PTPRE: variants seen among roughly 807,000 people sequenced by gnomAD.
PTPRE encodes the protein receptor-type tyrosine-protein phosphatase epsilon.
PTPRE carries 51 observed loss-of-function variants against 102.0 expected under a neutral mutation model. The observed-to-expected ratio is 0.50, with a 90% CI of 0.40 to 0.63. The LOEUF is 0.63. Ranked by LOEUF, PTPRE falls within the 30% of genes least tolerant of loss-of-function variation. PTPRE has a pLI of 0.00. For missense variants in PTPRE, 752 were observed against 915.1 expected, an observed-to-expected ratio of 0.82 and a Z score of 2.30; for synonymous variants, 345 against 348.2, an observed-to-expected ratio of 0.99 and a Z score of 0.10.
intron 1 of PTPRE, among the ~76,000 whole-genome samples, chr10:127,941,538 G>A (rs1023033182): frequency 3.3e-5 from 5 of 152,218 alleles, no homozygotes; most frequent in African/African-American, 9.7e-5. Context: ...AAGAGAAGCT[G>A]AGCACCTAGA....
At chr10:128,052,304 A>G (rs1481387062) in intron 6 of PTPRE, among the ~76,000 whole-genome samples, 1 of 152,214 alleles carries the variant, frequency 6.6e-6, no homozygotes, top group Non-Finnish European at 1.5e-5. Flanking sequence ...TGGCCGATCC[A>G]GTTGAGTTTT....
intron 1 of PTPRE, among the ~76,000 whole-genome samples, chr10:127,922,050 C>T (rs1255748492): frequency 6.6e-6 from 1 of 152,216 alleles, no homozygotes; most frequent in African/African-American, 2.4e-5. Flanking sequence ...TTAGTGAATT[C>T]ATGAAGTCCA....
intron 1 of PTPRE, among the ~76,000 whole-genome samples, chr10:127,978,827 C>T (rs1851391879): frequency 6.6e-6 from 1 of 152,048 alleles, no homozygotes; most frequent in Non-Finnish European, 1.5e-5. Flanking sequence ...TGAAGACCAG[C>T]CTGGCCAACA....
At chr10:127,971,967 T>A (rs1325279496) in intron 1 of PTPRE, among the ~76,000 whole-genome samples, 1 of 152,220 alleles carries the variant, frequency 6.6e-6, no homozygotes, top group African/African-American at 2.4e-5. Context: ...CCCAGCCTAG[T>A]TTATAGAAGC....
intron 20 of PTPRE, among the ~76,000 whole-genome samples, chr10:128,082,330 G>A (rs1378525647): frequency 1.4e-5 from 2 of 147,760 alleles, no homozygotes; most frequent in Non-Finnish European, 3.0e-5. Flanking sequence ...TCCTGTCTCC[G>A]CTTCCCAAGT....
chr10:127,966,602 A>G (rs1850271430), intron 1 of PTPRE, among the ~76,000 whole-genome samples: 1 of 152,156 alleles, frequency 6.6e-6, no homozygotes, highest in Non-Finnish European at 1.5e-5. Flanking sequence ...GTTTTAAAAC[A>G]GGGATGGTCC....
Position 128,070,906 on chromosome 10 carries a change from G to T in PTPRE, c.1387+5G>T, listed in dbSNP as rs1374663935. ...GGGTCATCCAGATCATCCCGTGTAA[G>T]GCACCCGTGGCGTGGCTTGGGCAGG... On this transcript the variant is annotated splice_donor_5th_base_variant and intron_variant, in intron 15 of 20. Transcript: ENST00000254667. This position sits in a 1 kb window ranked among gnomAD's most constrained non-coding sequence, Gnocchi z 4.8. The T allele has an allele frequency of 6.2e-7, 1 of 1,612,576 alleles. No homozygotes were observed. The highest frequency in any genetic ancestry group is 8.5e-7 in the Non-Finnish European group (1 of 1,178,586).
chr10:128,061,617 C>T, intron 8 of PTPRE, 62 bp from the exon 9 acceptor site: 1 of 1,542,840 alleles, frequency 6.5e-7, no homozygotes, highest in Non-Finnish European at 8.7e-7. Context: ...ACAGCAACAC[C>T]AACAAATCCT....
At chr10:128,047,962 ACT>A (rs1848241530) in intron 5 of PTPRE, 125 bp downstream of exon 5, 5 of 906,924 alleles carry the variant, frequency 5.5e-6, no homozygotes, top group East Asian at 2.7e-5. Context: ...CTTTCATCTC[ACT>A]CTACCTGGTA....
At position 128,061,024 on chromosome 10, in the gene PTPRE, G is replaced by A; in HGVS notation, c.588+9G>A. On this transcript the variant is annotated intron_variant, in intron 8 of 20. Coordinates refer to ENST00000254667, the MANE Select transcript of PTPRE (RefSeq NM_006504.6). Reference sequence around the variant, plus strand: ...ATGCTTCCTACATAGATGTAAGTGGGCAGAGGTTTCTTGTTCCCCTGGCCC... The same window carrying A: ...ATGCTTCCTACATAGATGTAAGTGGACAGAGGTTTCTTGTTCCCCTGGCCC... The A allele has an allele frequency of 6.2e-7, 1 of 1,613,468 alleles. No homozygotes were observed. Among genetic ancestry groups the A allele is most frequent in the South Asian group, 1.1e-5 (1 of 91,064 alleles).
At chr10:127,932,087 C>T (rs1469259012) in intron 1 of PTPRE, among the ~76,000 whole-genome samples, 1 of 152,034 alleles carries the variant, frequency 6.6e-6, no homozygotes, top group Non-Finnish European at 1.5e-5. Context: ...TTTTATTTTG[C>T]AGTTCTTCTA....
chr10:128,002,059 C>T (rs1165929514), intron 2 of PTPRE, among the ~76,000 whole-genome samples: 1 of 152,172 alleles, frequency 6.6e-6, no homozygotes, highest in Non-Finnish European at 1.5e-5. Context: ...GCCACTGCCT[C>T]GGGAGCACAG....
At position 127,944,833 on chromosome 10, in the gene PTPRE, T is replaced by C. The variant is rs980083508; in HGVS notation, c.-30-37441T>C. ...TAAAATTAGGTAGGTGGCAATGAGA[T>C]GGAGAGAGTGGGCAGATTCCACACA... On this transcript the variant is annotated intron_variant, in intron 1 of 20. Transcript: ENST00000254667. The surrounding 1 kb of genome is among the most constrained non-coding windows in gnomAD (Gnocchi z 4.2). Among the ~76,000 whole-genome samples the C allele has an allele frequency of 2.0e-5, 3 of 152,060 alleles. No homozygotes were observed. Among genetic ancestry groups the C allele is most frequent in the South Asian group, 2.1e-4 (1 of 4,804 alleles).
intron 15 of PTPRE, 192 bp from the exon 16 acceptor site, chr10:128,071,946 T>C (rs1850805815): frequency 1.8e-6 from 1 of 545,444 alleles, no homozygotes; most frequent in African/African-American, 1.9e-5. Flanking sequence ...GTTTTCAGAG[T>C]TTTCCTTCAA....
intron 2 of PTPRE, among the ~76,000 whole-genome samples, chr10:127,986,084 C>G (rs1852065893): frequency 6.6e-6 from 1 of 152,120 alleles, no homozygotes; most frequent in South Asian, 2.1e-4. Flanking sequence ...GAGCAAGACT[C>G]TGTCTCAAAA....
rs1446572093 is a variant in PTPRE, at chr10:128,070,813, G to A, written c.1299G>A (p.Leu433=). The part of the protein sequence containing the change: ...KIGLEEEFRK[L]TNVRIMKENM... ...TATATCCTTCTCTGCTGCAGAAATT[G>A]ACAAATGTCCGGATCATGAAGGAGA... is the stretch of plus-strand genomic sequence containing the variant. Residue 433 remains leucine (L), a synonymous_variant, in exon 15 of 21, where the codon TTG becomes TTA. Transcript: ENST00000254667. This position sits in a 1 kb window ranked among gnomAD's most constrained non-coding sequence, Gnocchi z 4.8. 1.2e-6 allele frequency: 2 copies of A among 1,613,644 alleles called. No individual in the cohort carries two copies. The highest frequency in any genetic ancestry group is 2.2e-5 in the South Asian group (2 of 91,060).
intron 2 of PTPRE, among the ~76,000 whole-genome samples, chr10:128,009,113 G>A (rs916931612): frequency 6.6e-6 from 1 of 152,212 alleles, no homozygotes; most frequent in Non-Finnish European, 1.5e-5. Context: ...CCTGGCAGCT[G>A]GGAGCTGCAG....
intron 1 of PTPRE, among the ~76,000 whole-genome samples, chr10:127,908,088 A>G (rs1845615729): frequency 1.3e-5 from 2 of 152,224 alleles, no homozygotes; most frequent in African/African-American, 4.8e-5. Context: ...AATTCCTTCC[A>G]GGCATGCAAA....
rs989526663 is a variant in PTPRE at position 128,084,385 on chromosome 10, T to G, written c.*1479T>G. The stretch of plus-strand genomic sequence containing the variant: ...AACTGATCGCACCCTCATGTTGCAG[T>G]GTTCGTCCCCTATTCATTAACAGTG... On this transcript the variant is annotated 3_prime_UTR_variant, in exon 21 of 21. Coordinates refer to ENST00000254667, the MANE Select transcript of PTPRE (RefSeq NM_006504.6). 1 of 152,246 alleles carries G rather than the reference T, an allele frequency of 6.6e-6. No individual in the cohort carries two copies. The highest frequency in any genetic ancestry group is 1.5e-5 in the Non-Finnish European group (1 of 68,042). 9.4% of individuals were successfully genotyped at this position (152,246 alleles called of 1,614,324 possible).
Sources: gnomAD v4.1 joint callset for allele counts (sites outside exome capture counted in the v4.1 genomes callset) on GRCh38, gnomAD v4.1.1 for gene constraint, Gnocchi (gnomAD v3.1) non-coding constraint, MANE v1.5 for transcripts, NCBI Gene and HGNC (gene_info 2026-07-23, HGNC 2026-07-21) for gene names.